SURF4: variants seen among roughly 807,000 people sequenced by gnomAD.
SURF4 encodes surfeit 4.
Under a neutral mutation model 30.0 loss-of-function variants are expected in SURF4, and 3 were observed. The ratio of observed to expected loss-of-function variants is 0.10; its 90% CI spans 0.05 to 0.26. The LOEUF is 0.26. Ranked by LOEUF, SURF4 falls within the 10% of genes least tolerant of loss-of-function variation. The pLI is 1.00. For synonymous variants in SURF4, 143 were observed against 139.9 expected (o/e 1.02, Z -0.16); for missense variants, 217 against 350.8 (o/e 0.62, Z 3.05).
chr9:133,375,428 A>G, intron 1 of SURF4: 1 of 985,994 alleles, frequency 1.0e-6, no homozygotes, highest in East Asian at 1.1e-4. Flanking sequence ...GGCTTCCTGT[A>G]GCTGGGGCGC....
rs1038056158 is a variant in SURF4 at position 133,362,644 on chromosome 9, G to A, written c.*849C>T. On this transcript the variant is annotated 3_prime_UTR_variant, in exon 6 of 6. Transcript: ENST00000371989. The stretch of plus-strand genomic sequence containing the variant: ...CACACCCCCTGCCCACAGCGGCTGC[G>A]GCTCTGCAAGCTGGTCTGAGCAGCT... The A allele has an allele frequency of 4.6e-5, 7 of 152,842 alleles. No individual in the cohort carries two copies. The highest frequency in any genetic ancestry group is 1.7e-4 in the African/African-American group (7 of 41,446). The allele number at this position is 152,842 out of a possible 1,614,324, so 9.5% of individuals were successfully genotyped here. A position where few individuals can be genotyped will look rare whatever the true frequency, so the allele number is the denominator to read the frequency against.
At chr9:133,374,942 A>G (rs1489575676) in intron 1 of SURF4, among the ~76,000 whole-genome samples, 3 of 152,252 alleles carry the variant, frequency 2.0e-5, no homozygotes, top group Non-Finnish European at 4.4e-5. Flanking sequence ...ACACGAACAC[A>G]TTAAGTAAAC....
chr9:133,373,951 A>G (rs988088187), intron 1 of SURF4, among the ~76,000 whole-genome samples: 2 of 148,356 alleles, frequency 1.3e-5, no homozygotes, highest in Non-Finnish European at 3.0e-5. Flanking sequence ...AGAAAACAGT[A>G]TGTGAAGACA....
In SURF4 at chr9:133,375,990, C is replaced by G. The variant is rs2130243940; in HGVS notation, c.-21G>C. On this transcript the variant is annotated 5_prime_UTR_variant, in exon 1 of 6. Transcript: ENST00000371989. Reference sequence around the variant, plus strand: ...CCCATGGCGACGGCGGGAGGCTCGGCTCGGCTCGCTCGCTCGCTCGCTGGC... The same window carrying G: ...CCCATGGCGACGGCGGGAGGCTCGGGTCGGCTCGCTCGCTCGCTCGCTGGC... 3.8e-5 allele frequency: 47 copies of G among 1,224,316 alleles called. No homozygotes were observed. In the African/African-American group the frequency reaches 7.1e-4, roughly 18 times the overall value. 75.8% of individuals were successfully genotyped at this position (1,224,316 alleles called of 1,614,324 possible).
At chr9:133,376,134 C>T, upstream of SURF4, 1 of 1,205,872 alleles carries the variant, frequency 8.3e-7, no homozygotes. Context: ...TTAAAGGGGC[C>T]GCGCGCCGCC....
upstream of SURF4, chr9:133,376,087 C>T: frequency 8.3e-7 from 1 of 1,204,376 alleles, no homozygotes; most frequent in Non-Finnish European, 1.0e-6. Flanking sequence ...CGCTCCGCGT[C>T]GGCTGCGGCT....
Position 133,367,249 on chromosome 9 carries a change from A to G in SURF4, c.235+10T>C. On this transcript the variant is annotated intron_variant, in intron 2 of 5. Transcript: ENST00000371989. The stretch of plus-strand genomic sequence containing the variant: ...CCCAGTGAATCCTGACCACCCGCAG[A>G]GCCACTCACTCAGCTGTCCCAGCAA... 1 of 1,612,870 alleles carries G rather than the reference A, an allele frequency of 6.2e-7. No individual in the cohort carries two copies. The highest frequency in any genetic ancestry group is 8.5e-7 in the Non-Finnish European group (1 of 1,178,970).
chr9:133,372,648 T>C (rs1211093712), intron 1 of SURF4: 5 of 985,302 alleles, frequency 5.1e-6, no homozygotes, highest in African/African-American at 3.5e-5. Flanking sequence ...GTTTTGCTCT[T>C]GTTTTCTGAA....
At chr9:133,376,188 CA>C (rs1388385250), upstream of SURF4, 24 of 1,250,486 alleles carry the variant, frequency 1.9e-5, no homozygotes, top group Non-Finnish European at 2.4e-5. Flanking sequence ...GCGCCATCCC[CA>C]GCCTCCCGAC....
At chr9:133,375,257 A>C (rs1404985180) in intron 1 of SURF4, 1 of 985,350 alleles carries the variant, frequency 1.0e-6, no homozygotes, top group Non-Finnish European at 1.2e-6. Flanking sequence ...TTCTGGAAGG[A>C]GACTATCAGG....
Position 133,366,491 on chromosome 9 carries a change from T to C in SURF4, c.312+108A>G, listed in dbSNP as rs1837181254. The C allele has an allele frequency of 4.0e-6, 5 of 1,241,366 alleles. No homozygotes were observed. The African/African-American group carries it at 4.4e-5, about 11-fold the overall frequency. 76.9% of individuals were successfully genotyped at this position (1,241,366 alleles called of 1,614,324 possible). ...AAGGAGCTCCAGGCAGTCAGAGACA[T>C]GCAGGGGGCTGAAGGGGGAGTGACA... On this transcript the variant is annotated intron_variant, in intron 3 of 5. Coordinates refer to ENST00000371989, the MANE Select transcript of SURF4 (RefSeq NM_033161.4).
intron 1 of SURF4, chr9:133,371,187 G>A (rs1588717599): frequency 2.1e-6 from 2 of 952,902 alleles, no homozygotes; most frequent in East Asian, 1.2e-4. Flanking sequence ...AATTCGTGGT[G>A]AATGTGAACA....
chr9:133,361,561 A>C lies in SURF4; in HGVS notation c.*1932T>G. 4 of 155,860 alleles carry C rather than the reference A, an allele frequency of 2.6e-5. No homozygotes were observed. The highest frequency in any genetic ancestry group is 4.3e-5 in the Non-Finnish European group (3 of 70,162). The allele number at this position is 155,860 out of a possible 1,614,324, so 9.7% of individuals were successfully genotyped here. ...AAATACAGCATAAAATGAGATTTAG[A>C]TCTGTTTCCCACATAAAGCAAAAAA... On this transcript the variant is annotated 3_prime_UTR_variant, in exon 6 of 6. Coordinates refer to ENST00000371989, the MANE Select transcript of SURF4 (RefSeq NM_033161.4).
intron 4 of SURF4, among the ~76,000 whole-genome samples, chr9:133,365,618 A>G (rs1837122691): frequency 6.6e-6 from 1 of 152,240 alleles, no homozygotes; most frequent in Admixed American, 6.5e-5. Context: ...ATGTTTTAAG[A>G]AAGTTTTTGA....
rs1836922279 is a variant in SURF4 at position 133,363,094 on chromosome 9, TTACAAA to T, written c.*393_*398del. On this transcript the variant is annotated 3_prime_UTR_variant, in exon 6 of 6. Coordinates refer to ENST00000371989, the MANE Select transcript of SURF4 (RefSeq NM_033161.4). The surrounding 1 kb of genome is among the most constrained non-coding windows in gnomAD (Gnocchi z 4.3). ...AGTAGTTTCCGCTAAAAATGTAAAC[TTACAAA>T]TAAGAGGGAGACTGCTTTGAATGAT... The T allele has an allele frequency of 5.5e-6, 2 of 360,676 alleles. No homozygotes were observed. The highest frequency in any genetic ancestry group is 1.0e-5 in the Non-Finnish European group (2 of 195,960). 22.3% of individuals were successfully genotyped at this position (360,676 alleles called of 1,614,324 possible).
intron 4 of SURF4, among the ~76,000 whole-genome samples, chr9:133,365,659 C>A (rs2130119276): frequency 1.9e-3 from 290 of 152,314 alleles, no homozygotes; most frequent in Admixed American, 3.0e-3. Context: ...ACCCCGTGGA[C>A]CACAGGCTGG....
intron 1 of SURF4, among the ~76,000 whole-genome samples, chr9:133,373,611 A>C (rs1462065589): frequency 1.3e-5 from 2 of 151,706 alleles, no homozygotes; most frequent in African/African-American, 4.8e-5. Flanking sequence ...TCCAAAAAAA[A>C]CATAATAACA....
Position 133,367,629 on chromosome 9 carries a change from C to T in SURF4, c.49-184G>A, listed in dbSNP as rs184347521. ...TCAGTGCTTGCTCCTGAGCGCTACC[C>T]TGTGAGTCTGGACACATGCAACAAT... On this transcript the variant is annotated intron_variant, in intron 1 of 5. Coordinates refer to ENST00000371989, the MANE Select transcript of SURF4 (RefSeq NM_033161.4). 228 of 1,453,604 alleles carry T rather than the reference C, an allele frequency of 1.6e-4. 4 individuals carry two copies. The Admixed American group carries it at 4.8e-3, about 30-fold the overall frequency. 90.0% of individuals were successfully genotyped at this position (1,453,604 alleles called of 1,614,324 possible). A position where few individuals can be genotyped will look rare whatever the true frequency, so the allele number is the denominator to read the frequency against.
chr9:133,366,639 T>C lies in SURF4; in HGVS notation c.272A>G (p.Gln91Arg), dbSNP rs2130130088. The C allele has an allele frequency of 6.2e-7, 1 of 1,613,922 alleles. No individual in the cohort carries two copies. Among genetic ancestry groups the C allele is most frequent in the Non-Finnish European group, 8.5e-7 (1 of 1,180,026 alleles). ...TCCAAAGAGCCCGAAGCAGGCGTAC[T>C]GCACGAAGTTCCTGCTCAACACCAG... Reference protein sequence around the residue: ...CVLVLSRNFVQYACFGLFGII... With the variant: ...CVLVLSRNFVRYACFGLFGII... Residue 91 changes from glutamine (Q) to arginine (R), a missense_variant, in exon 3 of 6, where the codon CAG becomes CGG. By Grantham distance (43) the Gln-to-Arg change is conservative. Coordinates refer to ENST00000371989, the MANE Select transcript of SURF4 (RefSeq NM_033161.4).
Sources: gnomAD v4.1 joint callset for allele counts (sites outside exome capture counted in the v4.1 genomes callset) on GRCh38, gnomAD v4.1.1 for gene constraint, Gnocchi (gnomAD v3.1) non-coding constraint, MANE v1.5 for transcripts, NCBI Gene and HGNC (gene_info 2026-07-23, HGNC 2026-07-21) for gene names.